The following FRAS1 variants were observed in gnomAD, a reference collection of about 807,000 sequenced individuals.
The protein encoded by FRAS1 is Fraser extracellular matrix complex subunit 1.
A neutral mutation model predicts 435.2 loss-of-function variants in FRAS1; 290 were observed. The observed-to-expected ratio is 0.67, with a 90% CI of 0.61 to 0.73. FRAS1 has a LOEUF of 0.73. Ranked by LOEUF, FRAS1 falls within the 30% of genes least tolerant of loss-of-function variation. The pLI is 0.00. For synonymous variants in FRAS1, 1,800 were observed against 1,851.0 expected (o/e 0.97, Z 0.71); for missense variants, 4,860 against 5,001.5 (o/e 0.97, Z 0.85).
intron 2 of FRAS1, among the ~76,000 whole-genome samples, chr4:78,131,902 G>A (rs1174361691): frequency 6.6e-6 from 1 of 152,234 alleles, no homozygotes; most frequent in Non-Finnish European, 1.5e-5. Context: ...CTGGGTAATA[G>A]CGTCTGCATG....
Position 78,337,563 on chromosome 4 carries a change from T to A in FRAS1, c.2279-111T>A, listed in dbSNP as rs1578260573. On this transcript the variant is annotated intron_variant, in intron 19 of 73. Transcript: ENST00000512123. ...GGCTTGCTCAGGAATCTTCTAAAGATGATTAGAGTTGGAGGTCTGCTTTTA... is the reference window on the plus strand; with the variant it reads ...GGCTTGCTCAGGAATCTTCTAAAGAAGATTAGAGTTGGAGGTCTGCTTTTA... 8.0e-6 allele frequency: 10 copies of A among 1,251,860 alleles called. No individual in the cohort carries two copies. In the East Asian group the frequency reaches 2.4e-4, roughly 29 times the overall value. 77.5% of individuals were successfully genotyped at this position (1,251,860 alleles called of 1,614,324 possible).
intron 20 of FRAS1, 95 bp downstream of exon 20, chr4:78,337,912 G>T: frequency 8.0e-7 from 1 of 1,245,044 alleles, no homozygotes; most frequent in Non-Finnish European, 1.2e-6. Flanking sequence ...CTCAGTTTAT[G>T]AGCTCTTTTA....
rs59270600 is a variant in FRAS1, at chr4:78,537,958, G to GA, written c.11298+768dup. 5.7e-3 allele frequency among the ~76,000 whole-genome samples: 793 copies of GA among 138,368 alleles called. 11 individuals are homozygous for GA. Among genetic ancestry groups the GA allele is most frequent in the African/African-American group, 0.02 (731 of 37,098 alleles). 90.8% of individuals were successfully genotyped at this position (138,368 alleles called of 152,430 possible). On this transcript the variant is annotated intron_variant, in intron 72 of 73. Coordinates refer to ENST00000512123, the MANE Select transcript of FRAS1 (RefSeq NM_025074.7). ...AAGACCCTATCTCAAAAAAAAAAAA[G>GA]AAAAAAAAAAGCCATAATTGTTTGA...
At chr4:78,226,209 G>A (rs1724264252) in intron 2 of FRAS1, among the ~76,000 whole-genome samples, 1 of 151,862 alleles carries the variant, frequency 6.6e-6, no homozygotes, top group African/African-American at 2.4e-5. Flanking sequence ...ATTTACACAT[G>A]TGTTAAATCC....
chr4:78,140,426 A>G (rs553929166), intron 2 of FRAS1, among the ~76,000 whole-genome samples: 1 of 152,204 alleles, frequency 6.6e-6, no homozygotes, highest in African/African-American at 2.4e-5. Flanking sequence ...GAACTGGATT[A>G]GTTTTCTAGT....
chr4:78,234,925 C>T (rs939139272), intron 2 of FRAS1, among the ~76,000 whole-genome samples: 5 of 152,152 alleles, frequency 3.3e-5, no homozygotes, highest in Admixed American at 6.5e-5. Context: ...TATTCATATA[C>T]GTCCTATTGG....
intron 2 of FRAS1, among the ~76,000 whole-genome samples, chr4:78,167,606 T>C (rs904960483): frequency 6.6e-6 from 1 of 152,034 alleles, no homozygotes; most frequent in Admixed American, 6.6e-5. Context: ...TCAGGTATAA[T>C]AACTCTTTTA....
chr4:78,282,687 G>A (rs1462013078), intron 11 of FRAS1, 133 bp from the exon 12 acceptor site: 1 of 884,158 alleles, frequency 1.1e-6, no homozygotes, highest in East Asian at 2.6e-5. Context: ...TTCTGTTTCA[G>A]AGTTAGATTT....
chr4:78,457,269 G>A (rs1719230605), intron 47 of FRAS1, among the ~76,000 whole-genome samples: 1 of 152,210 alleles, frequency 6.6e-6, no homozygotes, highest in Admixed American at 6.5e-5. Context: ...AAACTTTTCA[G>A]ATGATGTTAG....
At chr4:78,235,794 C>T (rs1724727941) in intron 2 of FRAS1, among the ~76,000 whole-genome samples, 1 of 152,100 alleles carries the variant, frequency 6.6e-6, no homozygotes, top group Non-Finnish European at 1.5e-5. Flanking sequence ...ACAAAAAATA[C>T]AGAAATTATC....
chr4:78,370,058 C>CCA, intron 23 of FRAS1, 74 bp downstream of exon 23: 1 of 1,449,520 alleles, frequency 6.9e-7, no homozygotes, highest in Non-Finnish European at 9.4e-7. Flanking sequence ...TCTAGTTTTC[C>CCA]ATATTGGGAA....
chr4:78,097,955 G>C (rs1741900428), intron 2 of FRAS1, among the ~76,000 whole-genome samples: 1 of 152,190 alleles, frequency 6.6e-6, no homozygotes, highest in Non-Finnish European at 1.5e-5. Flanking sequence ...ACAAGCCAAA[G>C]AAAGAGGTCC....
At chr4:78,346,567 T>C (rs1037340910) in intron 20 of FRAS1, among the ~76,000 whole-genome samples, 1 of 152,178 alleles carries the variant, frequency 6.6e-6, no homozygotes, top group African/African-American at 2.4e-5. Flanking sequence ...CTCGACATCA[T>C]TTTATTCACT....
intron 47 of FRAS1, among the ~76,000 whole-genome samples, chr4:78,455,299 C>T (rs187780316): frequency 5.9e-5 from 9 of 151,998 alleles, no homozygotes; most frequent in African/African-American, 1.4e-4. Flanking sequence ...GGAGGAAGTA[C>T]ATGTTGATTA....
At chr4:78,386,286 C>G (rs946989565) in intron 28 of FRAS1, among the ~76,000 whole-genome samples, 1 of 152,188 alleles carries the variant, frequency 6.6e-6, no homozygotes, top group Non-Finnish European at 1.5e-5. Context: ...TTGAGCCTCT[C>G]TGAAATTTTC....
chr4:78,091,595 A>G lies in FRAS1; in HGVS notation c.108+25579A>G, dbSNP rs1190029213. ...AAGGGCATTGCTTTCAAACAAATATATTTATATACATACATACACACGTGT... is the reference window on the plus strand; with the variant it reads ...AAGGGCATTGCTTTCAAACAAATATGTTTATATACATACATACACACGTGT... On this transcript the variant is annotated intron_variant, in intron 2 of 73. Coordinates refer to ENST00000512123, the MANE Select transcript of FRAS1 (RefSeq NM_025074.7). Among the ~76,000 whole-genome samples, 7 of 148,676 alleles carry G rather than the reference A, an allele frequency of 4.7e-5. No homozygotes were observed. In the Admixed American group the frequency reaches 4.8e-4, roughly 10 times the overall value.
chr4:78,292,401 A>C (rs1023506322), intron 14 of FRAS1, among the ~76,000 whole-genome samples: 2 of 152,236 alleles, frequency 1.3e-5, no homozygotes, highest in Non-Finnish European at 2.9e-5. Flanking sequence ...TTTATAATAA[A>C]AAAACCTATA....
At chr4:78,209,945 C>T (rs1341707899) in intron 2 of FRAS1, among the ~76,000 whole-genome samples, 1 of 152,252 alleles carries the variant, frequency 6.6e-6, no homozygotes, top group Middle Eastern at 3.4e-3. Flanking sequence ...AGAGTTCCTG[C>T]GGTTCTCAGG....
chr4:78,249,936 G>A (rs1210915181), intron 4 of FRAS1, among the ~76,000 whole-genome samples: 2 of 152,044 alleles, frequency 1.3e-5, no homozygotes, highest in African/African-American at 4.8e-5. Context: ...TAGATGTTTA[G>A]AGCAGTCTTC....
Sources: allele counts gnomAD v4.1 joint callset (sites outside exome capture counted in the v4.1 genomes callset), GRCh38; gene constraint gnomAD v4.1.1; transcripts MANE v1.5; gene names NCBI Gene and HGNC (gene_info 2026-07-23, HGNC 2026-07-21).